The following RGPD4 variants were observed in gnomAD, a reference collection of about 807,000 sequenced individuals.
RGPD4 encodes the protein RANBP2 like and GRIP domain containing 4.
RGPD4 carries 84 observed loss-of-function variants against 141.1 expected under a neutral mutation model. The ratio of observed to expected loss-of-function variants is 0.60; its 90% CI spans 0.50 to 0.71. The LOEUF (loss-of-function observed/expected upper bound fraction) is 0.71, where lower values mean the gene tolerates loss of function less well. RGPD4 is among the 30% of genes least tolerant of loss of function. The pLI, the probability that RGPD4 is intolerant of heterozygous loss-of-function variation, is 0.00. For synonymous variants in RGPD4, 298 were observed against 566.8 expected (o/e 0.53, Z 6.74); for missense variants, 918 against 1,622.4 (o/e 0.57, Z 7.46).
At chr2:107,845,326 C>G (rs1681886027) in intron 6 of RGPD4, among the ~76,000 whole-genome samples, 1 of 130,064 alleles carries the variant, frequency 7.7e-6, no homozygotes, top group East Asian at 2.4e-4. Context: ...GCAAGCTTCA[C>G]AATTTCCTCT....
In RGPD4 at chr2:107,874,692, A is replaced by G. The variant is rs377457619; in HGVS notation, c.4924+1764A>G. On this transcript the variant is annotated intron_variant, in intron 20 of 22. Transcript: ENST00000408999. ...GAATGTGCCTATACACTACTGTAGAACATAGAGCCTTATTCTGTTTTGAAT... is the reference window on the plus strand; with the variant it reads ...GAATGTGCCTATACACTACTGTAGAGCATAGAGCCTTATTCTGTTTTGAAT... 2.2e-3 allele frequency among the ~76,000 whole-genome samples: 327 copies of G among 150,468 alleles called. 9 individuals are homozygous for G. Among genetic ancestry groups the G allele is most frequent in the East Asian group, 0.021 (109 of 5,104 alleles).
chr2:107,881,242 TC>T (rs961583485), intron 21 of RGPD4, among the ~76,000 whole-genome samples: 1 of 150,622 alleles, frequency 6.6e-6, no homozygotes, highest in South Asian at 2.1e-4. Context: ...AATAACATTT[TC>T]CCACTAATAA....
chr2:107,868,570 A>G (rs947699710), intron 18 of RGPD4, among the ~76,000 whole-genome samples: 1 of 150,316 alleles, frequency 6.7e-6, no homozygotes, highest in Non-Finnish European at 1.5e-5. Flanking sequence ...GTATATCAAC[A>G]TGAATGTTAA....
rs924844994 is a variant in RGPD4, at chr2:107,869,339, G to A, written c.2606-544G>A. Among the ~76,000 whole-genome samples, 4 of 70,820 alleles carry A rather than the reference G, an allele frequency of 5.6e-5. 1 individual carries two copies. The highest frequency in any genetic ancestry group is 1.9e-4 in the African/African-American group (3 of 15,988). The allele number at this position is 70,820 out of a possible 152,430, so 46.5% of individuals were successfully genotyped here. A position where few individuals can be genotyped will look rare whatever the true frequency, so the allele number is the denominator to read the frequency against. ...AGACAGTTTGTACATCTGTATGAGT[G>A]TTGATGTGCTTTTTATTTTAAGCCA... is the stretch of plus-strand genomic sequence containing the variant. On this transcript the variant is annotated intron_variant, in intron 18 of 22. Transcript: ENST00000408999.
intron 22 of RGPD4, among the ~76,000 whole-genome samples, chr2:107,883,359 T>A (rs1421591068): frequency 6.6e-6 from 1 of 151,552 alleles, no homozygotes; most frequent in African/African-American, 2.4e-5. Context: ...GGCCAGGCGC[T>A]GGTGGTTCAT....
chr2:107,871,732 C>G lies in RGPD4; in HGVS notation c.3728C>G (p.Thr1243Ser), dbSNP rs1309950977. 6.2e-7 allele frequency: 1 copy of G among 1,610,952 alleles called. No homozygotes were observed. The highest frequency in any genetic ancestry group is 1.7e-5 in the Admixed American group (1 of 59,940). Residue 1243 changes from threonine (T) to serine (S), a missense_variant, in exon 20 of 23, where the codon ACT (threonine) becomes AGT (serine). Physicochemically the swap from Thr to Ser is moderately conservative, Grantham distance 58. Transcript: ENST00000408999. ...DTTIKPNPEN[T>S]GPTLEWDNCD... ...ACAATAAAACCCAATCCTGAAAACA[C>G]TGGGCCCACATTAGAATGGGATAAC...
chr2:107,872,269 G>A lies in RGPD4; in HGVS notation c.4265G>A (p.Gly1422Glu). 6.2e-7 allele frequency: 1 copy of A among 1,610,918 alleles called. No individual in the cohort carries two copies. Among genetic ancestry groups the A allele is most frequent in the Admixed American group, 1.7e-5 (1 of 59,886 alleles). ...TPDMSLQNMKGTERVWVWTAC... is the reference protein window; with the variant it reads ...TPDMSLQNMKETERVWVWTAC... ...GACATGAGTTTGCAAAATATGAAAG[G>A]GACAGAAAGAGTATGGGTGTGGACT... The change falls in exon 20 of 23, where the codon GGG (glycine) becomes GAG (glutamate). Residue 1422 changes from glycine to glutamate, a missense_variant. Physicochemically the swap from Gly to Glu is moderately conservative, Grantham distance 98. Coordinates refer to ENST00000408999, the MANE Select transcript of RGPD4 (RefSeq NM_182588.3).
chr2:107,854,196 C>T (rs2919943), intron 7 of RGPD4, among the ~76,000 whole-genome samples: 5 of 136,190 alleles, frequency 3.7e-5, no homozygotes, highest in African/African-American at 1.5e-4. Flanking sequence ...CTGGAATTAA[C>T]AGGTGTGTGC....
chr2:107,882,613 C>T, intron 21 of RGPD4, 59 bp from the exon 22 acceptor site: 1 of 1,452,546 alleles, frequency 6.9e-7, no homozygotes, highest in Non-Finnish European at 9.6e-7. Flanking sequence ...TGAGTTCAGT[C>T]TGCCATATTT....
At chr2:107,844,819 C>CTTTTTTTTTTTT (rs1558794972) in intron 6 of RGPD4, among the ~76,000 whole-genome samples, 2 of 62,250 alleles carry the variant, frequency 3.2e-5, no homozygotes, top group African/African-American at 5.7e-5. Flanking sequence ...TTCTTTCTTT[C>CTTTTTTTTTTTT]TTTCTTTTTT....
Position 107,883,356 on chromosome 2 carries a change from C to T in RGPD4, c.5266+483C>T, listed in dbSNP as rs920389590. 6.6e-5 allele frequency among the ~76,000 whole-genome samples: 10 copies of T among 151,634 alleles called. 1 individual carries two copies. The highest frequency in any genetic ancestry group is 3.9e-4 in the East Asian group (2 of 5,168). The stretch of plus-strand genomic sequence containing the variant: ...TTTTAAAACTGTGCCATAGGCCAGG[C>T]GCTGGTGGTTCATGCCTATAATCCC... On this transcript the variant is annotated intron_variant, in intron 22 of 22. Coordinates refer to ENST00000408999, the MANE Select transcript of RGPD4 (RefSeq NM_182588.3).
chr2:107,829,751 G>C (rs1012471299), intron 1 of RGPD4, among the ~76,000 whole-genome samples: 1 of 152,064 alleles, frequency 6.6e-6, no homozygotes, highest in Non-Finnish European at 1.5e-5. Flanking sequence ...TGTTCCCGAC[G>C]CTTGTTCCCG....
At chr2:107,827,810 G>T (rs1377928213) in intron 1 of RGPD4, among the ~76,000 whole-genome samples, 1 of 28,912 alleles carries the variant, frequency 3.5e-5, no homozygotes, top group East Asian at 4.0e-4. Context: ...CCGGCCCGGC[G>T]GCGGCCTCGA....
intron 6 of RGPD4, among the ~76,000 whole-genome samples, chr2:107,847,209 T>C (rs1343864708): frequency 1.4e-5 from 2 of 147,152 alleles, no homozygotes; most frequent in East Asian, 4.0e-4. Flanking sequence ...GCCACTGCAC[T>C]CCAGCCTTGT....
Position 107,871,795 on chromosome 2 carries a change from G to T in RGPD4, c.3791G>T (p.Ser1264Ile), listed in dbSNP as rs1245231967. Residue 1264 changes from serine to isoleucine, a missense_variant, in exon 20 of 23, where the codon AGT (serine) becomes ATT (isoleucine). Coordinates refer to ENST00000408999, the MANE Select transcript of RGPD4 (RefSeq NM_182588.3). ...LREDALDDSVSSSSVHASPLA... is the reference protein window; with the variant it reads ...LREDALDDSVISSSVHASPLA... ...GAAGATGCTTTGGATGATAGTGTCA[G>T]TAGTAGCTCAGTACATGCTTCTCCA... The T allele has an allele frequency of 1.9e-6, 3 of 1,611,432 alleles. 1 individual carries two copies. The South Asian group carries it at 3.3e-5, about 18-fold the overall frequency.
At position 107,872,735 on chromosome 2, in the gene RGPD4, T is replaced by C. The variant is rs755650732; in HGVS notation, c.4731T>C (p.Ser1577=). 124 of 1,611,554 alleles carry C rather than the reference T, an allele frequency of 7.7e-5. No individual in the cohort carries two copies. The highest frequency in any genetic ancestry group is 1.0e-4 in the Non-Finnish European group (119 of 1,179,870). ...GSLFGFSFNA[S]LKSNNSETSS... is the part of the protein sequence containing the mutation. ...TGTTTGGATTTAGTTTTAATGCATC[T>C]TTGAAAAGTAACAACAGTGAAACTA... Residue 1577 remains serine (S), a synonymous_variant, in exon 20 of 23, where the codon TCT becomes TCC. Transcript: ENST00000408999.
chr2:107,887,271 A>T (rs76611401), intron 22 of RGPD4, among the ~76,000 whole-genome samples: 5,981 of 152,058 alleles, frequency 0.039, 357 homozygotes, highest in African/African-American at 0.14. Context: ...AAAATTAAGA[A>T]ATAAAAATAA....
chr2:107,859,755 T>G lies in RGPD4; in HGVS notation c.1668T>G (p.Val556=), dbSNP rs1682473754. Residue 556 remains valine, a synonymous_variant, in exon 12 of 23, where the codon GTT becomes GTG. Transcript: ENST00000408999. ...ACTCAGCAAAATTGAGACTTTTAGT[T>G]CAGCATGAAATAAACACTCTAAGAG... ...PGNSAKLRLL[V]QHEINTLRAQ... is the part of the protein sequence containing the mutation. The G allele has an allele frequency of 6.2e-7, 1 of 1,610,930 alleles. No homozygotes were observed. The highest frequency in any genetic ancestry group is 2.2e-5 in the East Asian group (1 of 44,866).
intron 1 of RGPD4, among the ~76,000 whole-genome samples, chr2:107,829,473 C>G (rs1450875862): frequency 1.3e-5 from 1 of 77,242 alleles, no homozygotes; most frequent in Non-Finnish European, 2.8e-5. Context: ...GCGGCGGCCT[C>G]GATGGCTCAG....
Sources: allele counts gnomAD v4.1 joint callset (sites outside exome capture counted in the v4.1 genomes callset), GRCh38; gene constraint gnomAD v4.1.1; transcripts MANE v1.5; gene names NCBI Gene and HGNC (gene_info 2026-07-23, HGNC 2026-07-21).